Variants in RALGAPA1 observed in about 807,000 individuals in gnomAD.
RALGAPA1 encodes the protein Ral GTPase activating protein catalytic subunit alpha 1.
In RALGAPA1, 52 loss-of-function variants were observed where a neutral mutation model predicts 269.6. The observed-to-expected ratio is 0.19, with a 90% CI of 0.15 to 0.24. RALGAPA1 has a LOEUF of 0.24. Ranked by LOEUF, RALGAPA1 falls within the 10% of genes least tolerant of loss-of-function variation. RALGAPA1 has a pLI of 1.00. For missense variants in RALGAPA1, 1,917 were observed against 3,013.9 expected (o/e 0.64, Z 8.52); for synonymous variants, 817 against 1,008.3 (o/e 0.81, Z 3.60).
intron 18 of RALGAPA1, 73 bp from the exon 19 acceptor site, chr14:35,686,739 A>C: frequency 1.3e-6 from 1 of 779,060 alleles, no homozygotes; most frequent in Non-Finnish European, 1.9e-6. Flanking sequence ...AACAAACAAC[A>C]ACCCAAAACA....
At chr14:35,801,199 G>A (rs1595606869) in intron 1 of RALGAPA1, among the ~76,000 whole-genome samples, 2 of 151,174 alleles carry the variant, frequency 1.3e-5, no homozygotes, top group South Asian at 2.1e-4. Context: ...GACAAGAAAC[G>A]AGAAGGATAA....
chr14:35,653,008 A>G (rs768582279), intron 30 of RALGAPA1, among the ~76,000 whole-genome samples: 1 of 152,190 alleles, frequency 6.6e-6, no homozygotes, highest in Non-Finnish European at 1.5e-5. Flanking sequence ...CTTTATACAG[A>G]AAAAGGCTTT....
intron 1 of RALGAPA1, among the ~76,000 whole-genome samples, chr14:35,799,715 CAAAT>C (rs1368885947): frequency 6.6e-6 from 1 of 151,730 alleles, no homozygotes; most frequent in Non-Finnish European, 1.5e-5. Context: ...AAACAGAAAA[CAAAT>C]AGAAAGATGA....
At chr14:35,599,085 T>C (rs144137917) in intron 36 of RALGAPA1, among the ~76,000 whole-genome samples, 57 of 152,346 alleles carry the variant, frequency 3.7e-4, no homozygotes, top group African/African-American at 1.3e-3. Flanking sequence ...TTAAGTAAAG[T>C]AACCCTACCT....
chr14:35,627,908 G>A lies in RALGAPA1; in HGVS notation c.6039C>T (p.Arg2013=). Reference sequence around the variant, plus strand: ...GATTTACCAGATGTGTAATAACAGTGCGGGCTGCTATAGAGATTAATCCAT... The same window carrying A: ...GATTTACCAGATGTGTAATAACAGTACGGGCTGCTATAGAGATTAATCCAT... ...MQHGLISIAA[R]TVITHLVNHL... is the part of the protein sequence containing the mutation. Residue 2013 remains arginine (R), a synonymous_variant, in exon 34 of 42, where the codon CGC becomes CGT. Coordinates refer to ENST00000680220, the MANE Select transcript of RALGAPA1 (RefSeq NM_001346249.2). 1 of 1,553,850 alleles carries A rather than the reference G, an allele frequency of 6.4e-7. No individual in the cohort carries two copies. Among genetic ancestry groups the A allele is most frequent in the Non-Finnish European group, 8.7e-7 (1 of 1,153,198 alleles).
At position 35,750,646 on chromosome 14, in the gene RALGAPA1, T is replaced by G. The variant is rs1172351447; in HGVS notation, c.847A>C (p.Lys283Gln). The G allele has an allele frequency of 6.2e-7, 1 of 1,613,486 alleles. No homozygotes were observed. Among genetic ancestry groups the G allele is most frequent in the Admixed American group, 1.7e-5 (1 of 59,942 alleles). Reference protein sequence around the residue: ...RPKPHYVVIKKDAETNEAIYC... With the variant: ...RPKPHYVVIKQDAETNEAIYC... ...ATTGCTTCATTGGTTTCAGCATCTT[T>G]CTTTATCACGACATAATGTGGCTTT... Residue 283 changes from lysine to glutamine, a missense_variant, in exon 9 of 42, where the codon AAA (lysine) becomes CAA (glutamine). Physicochemically the swap from Lys to Gln is moderately conservative, Grantham distance 53 (BLOSUM62 1). Coordinates refer to ENST00000680220, the MANE Select transcript of RALGAPA1 (RefSeq NM_001346249.2).
At chr14:35,747,143 A>C (rs2072193031) in intron 10 of RALGAPA1, among the ~76,000 whole-genome samples, 1 of 152,012 alleles carries the variant, frequency 6.6e-6, no homozygotes, top group African/African-American at 2.4e-5. Context: ...GCAAGACCCC[A>C]CTCTACAAAA....
At chr14:35,786,803 T>C (rs934491499) in intron 1 of RALGAPA1, among the ~76,000 whole-genome samples, 11 of 152,194 alleles carry the variant, frequency 7.2e-5, no homozygotes, top group African/African-American at 2.7e-4. Context: ...CCTGCATTCA[T>C]GTCTGTGCTC....
At chr14:35,692,158 T>C (rs543689300) in intron 17 of RALGAPA1, among the ~76,000 whole-genome samples, 3 of 152,196 alleles carry the variant, frequency 2.0e-5, no homozygotes, top group South Asian at 4.1e-4. Flanking sequence ...TTCCACACAA[T>C]ATTCTAAAGA....
At chr14:35,684,115 C>T in intron 20 of RALGAPA1, 130 bp from the exon 21 acceptor site, 1 of 657,980 alleles carries the variant, frequency 1.5e-6, no homozygotes, top group Non-Finnish European at 2.6e-6. Flanking sequence ...ATCACTCAGA[C>T]AAGTGTAAAT....
chr14:35,717,403 G>C (rs557463141), intron 16 of RALGAPA1, among the ~76,000 whole-genome samples: 3 of 152,246 alleles, frequency 2.0e-5, no homozygotes, highest in African/African-American at 7.2e-5. Flanking sequence ...GCCCGCCTCG[G>C]CCTCCCAAAG....
At chr14:35,790,785 C>T (rs552189016) in intron 1 of RALGAPA1, among the ~76,000 whole-genome samples, 7 of 151,456 alleles carry the variant, frequency 4.6e-5, no homozygotes, top group Middle Eastern at 3.4e-3. Flanking sequence ...TTTATTATTA[C>T]GTAAAAATCA....
chr14:35,639,314 T>C (rs1056906574), intron 31 of RALGAPA1, among the ~76,000 whole-genome samples: 16 of 152,208 alleles, frequency 1.1e-4, no homozygotes, highest in African/African-American at 3.1e-4. Context: ...GAGAGATATA[T>C]GCCAATACAA....
intron 25 of RALGAPA1, among the ~76,000 whole-genome samples, chr14:35,672,367 T>C (rs2064537132): frequency 6.6e-6 from 1 of 152,168 alleles, no homozygotes; most frequent in East Asian, 1.9e-4. Flanking sequence ...TATTTATGAC[T>C]ATTTAATGAT....
intron 34 of RALGAPA1, 36 bp from the exon 35 acceptor site, chr14:35,625,468 T>G (rs1175415614): frequency 6.9e-7 from 1 of 1,442,500 alleles, no homozygotes; most frequent in Admixed American, 1.9e-5. Flanking sequence ...TTCATCACCT[T>G]TGCAGTGAAT....
intron 1 of RALGAPA1, among the ~76,000 whole-genome samples, chr14:35,797,557 T>C (rs2076663133): frequency 6.6e-6 from 1 of 150,516 alleles, no homozygotes. Context: ...TCAAAGTAGC[T>C]AGAAGAGGCC....
Position 35,578,229 on chromosome 14 carries a change from A to G in RALGAPA1, c.7210-5511T>C, listed in dbSNP as rs139533998. 1.7e-4 allele frequency among the ~76,000 whole-genome samples: 26 copies of G among 152,324 alleles called. No individual in the cohort carries two copies. In the East Asian group the frequency reaches 3.1e-3, roughly 18 times the overall value. On this transcript the variant is annotated intron_variant, in intron 37 of 41. Transcript: ENST00000680220. Reference sequence around the variant, plus strand: ...ATAAATAAATAATTTAAAAATACAAATGATGCTCTAAATATACTTTTCTCA... The same window carrying G: ...ATAAATAAATAATTTAAAAATACAAGTGATGCTCTAAATATACTTTTCTCA...
chr14:35,556,214 A>C (rs1311387112), intron 39 of RALGAPA1, among the ~76,000 whole-genome samples: 3 of 152,324 alleles, frequency 2.0e-5, no homozygotes, highest in African/African-American at 7.2e-5. Context: ...TTGCAAGTAC[A>C]TCTCAAGGAT....
At chr14:35,740,169 T>C (rs2071412856) in intron 11 of RALGAPA1, among the ~76,000 whole-genome samples, 1 of 152,194 alleles carries the variant, frequency 6.6e-6, no homozygotes, top group Non-Finnish European at 1.5e-5. Context: ...CTCTCTTTCA[T>C]GCTCTAGGAT....
Sources: allele counts gnomAD v4.1 joint callset (sites outside exome capture counted in the v4.1 genomes callset), GRCh38; gene constraint gnomAD v4.1.1; transcripts MANE v1.5; gene names NCBI Gene and HGNC (gene_info 2026-07-23, HGNC 2026-07-21).